ASXL2: variants seen among roughly 807,000 people sequenced by gnomAD.
ASXL2 encodes the protein putative Polycomb group protein ASXL2.
A neutral mutation model predicts 122.0 loss-of-function variants in ASXL2; 23 were observed. The observed-to-expected ratio is 0.19, with a 90% CI of 0.14 to 0.27. The LOEUF (loss-of-function observed/expected upper bound fraction) is 0.27. Among genes scored for constraint, ASXL2 ranks in the 10% least tolerant of loss-of-function variants. The pLI is 1.00. For synonymous variants in ASXL2, 650 were observed against 637.0 expected, an observed-to-expected ratio of 1.02 and a Z score of -0.31; for missense variants, 1,518 against 1,713.8, an observed-to-expected ratio of 0.89 and a Z score of 2.02.
At chr2:25,806,501 G>GAGA (rs1358578560) in intron 3 of ASXL2, among the ~76,000 whole-genome samples, 164 bp from the exon 4 acceptor site, 1 of 152,186 alleles carries the variant, frequency 6.6e-6, no homozygotes, top group Non-Finnish European at 1.5e-5. Flanking sequence ...GGCTGCCATG[G>GAGA]AGAAAATGGA....
At chr2:25,875,468 C>T (rs1259307802) in intron 1 of ASXL2, among the ~76,000 whole-genome samples, 1 of 151,794 alleles carries the variant, frequency 6.6e-6, no homozygotes, top group South Asian at 2.1e-4. Flanking sequence ...CATAGCAAAA[C>T]GATTCTAAAT....
intron 4 of ASXL2, among the ~76,000 whole-genome samples, chr2:25,801,347 A>G (rs895732270): frequency 6.6e-6 from 1 of 152,202 alleles, no homozygotes; most frequent in Non-Finnish European, 1.5e-5. Flanking sequence ...ACAGACACAA[A>G]AATGTGACCC....
chr2:25,773,315 A>G (rs139482079), intron 5 of ASXL2, among the ~76,000 whole-genome samples: 237 of 152,232 alleles, frequency 1.6e-3, no homozygotes, highest in African/African-American at 5.5e-3. Flanking sequence ...GATGTACAAA[A>G]AGCTTGATGT....
At position 25,743,324 on chromosome 2, in the gene ASXL2, C is replaced by G. The variant is rs1361792500; in HGVS notation, c.3013G>C (p.Glu1005Gln). 3.7e-6 allele frequency: 6 copies of G among 1,613,854 alleles called. No individual in the cohort carries two copies. The highest frequency in any genetic ancestry group is 5.1e-6 in the Non-Finnish European group (6 of 1,179,878). ...ATNTTENSTR[E>Q]EVNERQSHPA... Reference sequence around the variant, plus strand: ...TGGGACTGTCTCTCATTAACTTCCTCTCTGGTGCTATTTTCTGTTGTGTTG... The same window carrying G: ...TGGGACTGTCTCTCATTAACTTCCTGTCTGGTGCTATTTTCTGTTGTGTTG... The change falls in exon 13 of 13, where the codon GAG (glutamate) becomes CAG (glutamine). Residue 1005 changes from glutamate to glutamine, a missense_variant. Glu to Gln is a conservative substitution (Grantham distance 29). This residue lies in a region of ASXL2 where 831 missense variants were observed against 833.1 expected (regional missense o/e 1.00). Coordinates refer to ENST00000435504, the MANE Select transcript of ASXL2 (RefSeq NM_018263.6).
intron 1 of ASXL2, among the ~76,000 whole-genome samples, chr2:25,847,854 T>C (rs190238085): frequency 6.6e-6 from 1 of 152,326 alleles, no homozygotes; most frequent in African/African-American, 2.4e-5. Context: ...AAATTGATAA[T>C]TATAGAAGGT....
At chr2:25,821,618 C>T (rs1392741141) in intron 3 of ASXL2, among the ~76,000 whole-genome samples, 1 of 152,170 alleles carries the variant, frequency 6.6e-6, no homozygotes, top group East Asian at 1.9e-4. Context: ...ACTGCCTGGC[C>T]TGTTCCCATA....
Position 25,771,427 on chromosome 2 carries a change from T to C in ASXL2, c.504+13A>G. 3 of 1,596,812 alleles carry C rather than the reference T, an allele frequency of 1.9e-6. No homozygotes were observed. Among genetic ancestry groups the C allele is most frequent in the Non-Finnish European group, 2.6e-6 (3 of 1,165,904 alleles). ...GAAATTCTACTTGATAAATACAGAC[T>C]AGCAATGCTTACCTGCTTTAGTGCC... On this transcript the variant is annotated intron_variant, in intron 6 of 12. Coordinates refer to ENST00000435504, the MANE Select transcript of ASXL2 (RefSeq NM_018263.6).
chr2:25,861,899 C>T (rs938501836), intron 1 of ASXL2, among the ~76,000 whole-genome samples: 1 of 152,122 alleles, frequency 6.6e-6, no homozygotes, highest in Non-Finnish European at 1.5e-5. Context: ...CAAAACCCAA[C>T]AAATCAAACT....
At chr2:25,843,195 G>A (rs2089607983) in intron 2 of ASXL2, among the ~76,000 whole-genome samples, 2 of 151,758 alleles carry the variant, frequency 1.3e-5, no homozygotes, top group African/African-American at 2.4e-5. Context: ...CCAGCTACTC[G>A]GGAGGCTAAG....
chr2:25,745,559 C>T (rs1456745738), intron 12 of ASXL2, among the ~76,000 whole-genome samples: 1 of 51,416 alleles, frequency 1.9e-5, no homozygotes, highest in Admixed American at 2.1e-4. Context: ...GCCTCCAGCT[C>T]AAAAAAAAAA....
chr2:25,792,639 G>A (rs776877658), intron 5 of ASXL2, among the ~76,000 whole-genome samples: 13 of 151,524 alleles, frequency 8.6e-5, no homozygotes, highest in Non-Finnish European at 1.3e-4. Flanking sequence ...GTCTCACTTT[G>A]TCGCCCAGGC....
chr2:25,750,005 G>C lies in ASXL2; in HGVS notation c.1551C>G (p.Ser517Arg), dbSNP rs2088015584. The change falls in exon 12 of 13, where the codon AGC becomes AGG. Residue 517 changes from serine (S) to arginine (R), a missense_variant. Physicochemically the swap from Ser to Arg is moderately radical, Grantham distance 110. Around this residue, in one of 8 missense-constraint regions of ASXL2, gnomAD observed 292 missense variants for 293.5 expected, o/e 1.00. Coordinates refer to ENST00000435504, the MANE Select transcript of ASXL2 (RefSeq NM_018263.6). ...TTGGCGATGTAACTAAAGATTCTTG[G>C]CTTTCACTTTTGTTATAATTAGAAG... ...TTASNYNKSE[S>R]QESLVTSPSK... 2 of 1,613,806 alleles carry C rather than the reference G, an allele frequency of 1.2e-6. No homozygotes were observed. The highest frequency in any genetic ancestry group is 1.7e-6 in the Non-Finnish European group (2 of 1,179,886).
At chr2:25,766,027 GTTAA>G (rs2088344494) in intron 8 of ASXL2, among the ~76,000 whole-genome samples, 1 of 151,766 alleles carries the variant, frequency 6.6e-6, no homozygotes, top group Admixed American at 6.6e-5. Context: ...TTAAATTATT[GTTAA>G]TTCTGTTCTC....
At chr2:25,781,958 G>GTTTT (rs1559509560) in intron 5 of ASXL2, among the ~76,000 whole-genome samples, 5 of 58,542 alleles carry the variant, frequency 8.5e-5, no homozygotes, top group Admixed American at 1.5e-4. Flanking sequence ...CACCGCCCGG[G>GTTTT]CTTTTTTCTT....
chr2:25,863,758 C>T (rs2089865408), intron 1 of ASXL2, among the ~76,000 whole-genome samples: 1 of 151,768 alleles, frequency 6.6e-6, no homozygotes, highest in Admixed American at 6.6e-5. Context: ...GTAATCTCAA[C>T]ACTTTGGGAG....
chr2:25,750,456 C>G (rs1247520408), intron 11 of ASXL2, 43 bp from the exon 12 acceptor site: 1 of 1,508,956 alleles, frequency 6.6e-7, no homozygotes, highest in East Asian at 2.3e-5. Flanking sequence ...AAAAATAGCC[C>G]ATGTTGCGAA....
At chr2:25,859,983 A>G (rs926358680) in intron 1 of ASXL2, among the ~76,000 whole-genome samples, 1 of 150,830 alleles carries the variant, frequency 6.6e-6, no homozygotes, top group Non-Finnish European at 1.5e-5. Flanking sequence ...CAGGAGTTTG[A>G]GACCAGCCTA....
In ASXL2 at chr2:25,834,392, T is replaced by C. The variant is rs369556906; in HGVS notation, c.143+1146A>G. 2.1e-4 allele frequency among the ~76,000 whole-genome samples: 32 copies of C among 152,214 alleles called. No homozygotes were observed. The East Asian group carries it at 3.1e-3, about 15-fold the overall frequency. ...AATAAATAAGAACAAATCAAATACA[T>C]GCTCCCTTCAAACAAACATAACACA... On this transcript the variant is annotated intron_variant, in intron 3 of 12. Coordinates refer to ENST00000435504, the MANE Select transcript of ASXL2 (RefSeq NM_018263.6).
intron 8 of ASXL2, among the ~76,000 whole-genome samples, chr2:25,765,353 G>A (rs1373279314): frequency 1.3e-5 from 2 of 152,018 alleles, no homozygotes; most frequent in East Asian, 1.9e-4. Context: ...GGGCGTGGTG[G>A]CGGGCACCTG....
Sources: gnomAD v4.1 joint callset for allele counts (sites outside exome capture counted in the v4.1 genomes callset) on GRCh38, gnomAD v4.1.1 for gene constraint, gnomAD v4.1.1 regional missense constraint, MANE v1.5 for transcripts, NCBI Gene and HGNC (gene_info 2026-07-23, HGNC 2026-07-21) for gene names.